The following CNOT10 variants were observed in gnomAD, a reference collection of about 807,000 sequenced individuals.
The protein encoded by CNOT10 is CCR4-NOT transcription complex, subunit 10.
Under a neutral mutation model 94.6 loss-of-function variants are expected in CNOT10, and 30 were observed. That is an observed-to-expected ratio of 0.32 (90% CI 0.24 to 0.43). The LOEUF (loss-of-function observed/expected upper bound fraction) is 0.43. Among genes scored for constraint, CNOT10 ranks in the 20% least tolerant of loss-of-function variants. The probability of loss-of-function intolerance (pLI) is 1.00; values close to 1 mark genes in which losing one functional copy is unlikely to be tolerated. For synonymous variants in CNOT10, 289 were observed against 301.6 expected, an observed-to-expected ratio of 0.96 and a Z score of 0.43; for missense variants, 759 against 877.2, an observed-to-expected ratio of 0.87 and a Z score of 1.70.
intron 1 of CNOT10, among the ~76,000 whole-genome samples, chr3:32,693,167 T>A (rs1696918778): frequency 6.6e-6 from 1 of 152,232 alleles, no homozygotes; most frequent in African/African-American, 2.4e-5. Flanking sequence ...AAGGAGTTGA[T>A]GTGGTAGTGA....
Position 32,737,472 on chromosome 3 carries a change from A to C in CNOT10, c.1577A>C (p.Gln526Pro). ...CCACCTTCTTCTCCATTGAGAAAAC[A>C]GGAATTAGAAAACTTAAAGTGAGTA... Reference protein sequence around the residue: ...PAPPSSPLRKQELENLKCSIL... With the variant: ...PAPPSSPLRKPELENLKCSIL... Residue 526 changes from glutamine (Q) to proline (P), a missense_variant, in exon 13 of 19, where the codon CAG (glutamine) becomes CCG (proline). Coordinates refer to ENST00000328834, the MANE Select transcript of CNOT10 (RefSeq NM_015442.3). The C allele has an allele frequency of 6.2e-7, 1 of 1,608,694 alleles. No individual in the cohort carries two copies. The highest frequency in any genetic ancestry group is 8.5e-7 in the Non-Finnish European group (1 of 1,175,548).
At chr3:32,767,175 C>T (rs1424765265) in intron 17 of CNOT10, among the ~76,000 whole-genome samples, 2 of 152,212 alleles carry the variant, frequency 1.3e-5, no homozygotes, top group Admixed American at 6.5e-5. Context: ...CACATCCCCA[C>T]ATGCTTGCCA....
intron 4 of CNOT10, among the ~76,000 whole-genome samples, chr3:32,711,804 G>A (rs1462454117): frequency 6.6e-6 from 1 of 152,156 alleles, no homozygotes; most frequent in African/African-American, 2.4e-5. Flanking sequence ...AGGATAATAG[G>A]AAATAAAGTC....
intron 17 of CNOT10, 195 bp downstream of exon 17, chr3:32,765,004 A>G: frequency 6.6e-7 from 1 of 1,511,218 alleles, no homozygotes; most frequent in Non-Finnish European, 8.8e-7. Flanking sequence ...CTTAAAGGAA[A>G]GTTCTTCTTG....
intron 5 of CNOT10, among the ~76,000 whole-genome samples, chr3:32,714,325 T>C (rs556273564): frequency 4.9e-4 from 74 of 152,016 alleles, no homozygotes; most frequent in African/African-American, 1.7e-3. Flanking sequence ...AATTGAAAGA[T>C]TGGAATTAAG....
At position 32,704,798 on chromosome 3, in the gene CNOT10, T is replaced by G. The variant is rs756718785; in HGVS notation, c.118-13T>G. 2 of 1,485,868 alleles carry G rather than the reference T, an allele frequency of 1.3e-6. No homozygotes were observed. The highest frequency in any genetic ancestry group is 1.8e-6 in the Non-Finnish European group (2 of 1,106,710). The allele number at this position is 1,485,868 out of a possible 1,614,324, so 92.0% of individuals were successfully genotyped here. The stretch of plus-strand genomic sequence containing the variant: ...GTAATTTTGTGTGTGTGTGTGTGGT[T>G]TTTTTTTTTTAGTCTGGAAATTATG... On this transcript the variant is annotated splice_polypyrimidine_tract_variant and intron_variant, in intron 2 of 18. Coordinates refer to ENST00000328834, the MANE Select transcript of CNOT10 (RefSeq NM_015442.3).
intron 15 of CNOT10, 57 bp from the exon 16 acceptor site, chr3:32,764,398 A>T: frequency 6.4e-7 from 1 of 1,570,526 alleles, no homozygotes; most frequent in Non-Finnish European, 8.7e-7. Context: ...CGAGGAGAAA[A>T]GAAAGAAAAT....
At chr3:32,723,309 A>G (rs1050974704) in intron 8 of CNOT10, among the ~76,000 whole-genome samples, 2 of 151,732 alleles carry the variant, frequency 1.3e-5, no homozygotes, top group Admixed American at 6.6e-5. Flanking sequence ...GGAGAATGGC[A>G]TGAACCCGGG....
At chr3:32,741,738 C>A (rs1269249514) in intron 13 of CNOT10, among the ~76,000 whole-genome samples, 1 of 146,672 alleles carries the variant, frequency 6.8e-6, no homozygotes, top group Non-Finnish European at 1.5e-5. Flanking sequence ...CACTGCCCCC[C>A]AGCCTGGGCG....
chr3:32,753,750 G>A, intron 13 of CNOT10: 2 of 1,601,208 alleles, frequency 1.2e-6, no homozygotes, highest in South Asian at 2.2e-5. Context: ...TATTTCAGCA[G>A]ATCTATTCAG....
intron 1 of CNOT10, among the ~76,000 whole-genome samples, chr3:32,687,429 A>T (rs1342790645): frequency 1.3e-5 from 1 of 76,346 alleles, no homozygotes; most frequent in South Asian, 4.6e-4. Context: ...TCTCCTTTTA[A>T]GTCCTCACGG....
chr3:32,701,577 G>A (rs1697349825), intron 1 of CNOT10, among the ~76,000 whole-genome samples: 1 of 152,110 alleles, frequency 6.6e-6, no homozygotes, highest in African/African-American at 2.4e-5. Flanking sequence ...GATAGTGAGT[G>A]AGTTCTCACT....
chr3:32,687,468 T>TTTTTTTTTTTTTTTTTTTTG (rs1696673081), intron 1 of CNOT10, among the ~76,000 whole-genome samples: 1 of 131,654 alleles, frequency 7.6e-6, no homozygotes, highest in Admixed American at 7.9e-5. Flanking sequence ...TTTTTTTTTT[T>TTTTTTTTTTTTTTTTTTTTG]TGAGACGGAG....
intron 9 of CNOT10, among the ~76,000 whole-genome samples, chr3:32,727,240 A>G (rs1028143066): frequency 3.9e-5 from 6 of 152,110 alleles, no homozygotes; most frequent in Non-Finnish European, 5.9e-5. Flanking sequence ...GGGGAGGCCA[A>G]GGTGGATCAC....
At chr3:32,769,654 C>T (rs1195448172) in intron 17 of CNOT10, 5 of 465,992 alleles carry the variant, frequency 1.1e-5, no homozygotes, top group Non-Finnish European at 2.0e-5. Flanking sequence ...ACTGTAGTAT[C>T]GGGGTGTCCA....
At position 32,736,793 on chromosome 3, in the gene CNOT10, G is replaced by A. The variant is rs1699207567; in HGVS notation, c.1515-617G>A. 2.6e-5 allele frequency among the ~76,000 whole-genome samples: 4 copies of A among 152,154 alleles called. No homozygotes were observed. In the South Asian group the frequency reaches 8.3e-4, roughly 32 times the overall value. On this transcript the variant is annotated intron_variant, in intron 12 of 18. Transcript: ENST00000328834. Reference sequence around the variant, plus strand: ...AACCCAGTCTCAAGAAAAGGCAGGGGTTGAGGGGTCAGGGTAATTAGAATA... The same window carrying A: ...AACCCAGTCTCAAGAAAAGGCAGGGATTGAGGGGTCAGGGTAATTAGAATA...
intron 8 of CNOT10, 43 bp from the exon 9 acceptor site, chr3:32,725,407 A>G (rs925665898): frequency 1.3e-6 from 2 of 1,551,602 alleles, no homozygotes; most frequent in African/African-American, 1.4e-5. Context: ...GGACATCAAC[A>G]TTAAAATTTT....
chr3:32,699,362 C>T (rs1192779635), intron 1 of CNOT10, among the ~76,000 whole-genome samples: 1 of 152,138 alleles, frequency 6.6e-6, no homozygotes, highest in African/African-American at 2.4e-5. Context: ...CCATTGTATT[C>T]CTATACCATG....
intron 4 of CNOT10, among the ~76,000 whole-genome samples, chr3:32,709,856 A>G (rs914429710): frequency 3.9e-5 from 6 of 152,194 alleles, no homozygotes; most frequent in African/African-American, 1.4e-4. Flanking sequence ...AGCTATTAAA[A>G]TATAAATATG....
Sources: gnomAD v4.1 joint callset for allele counts (sites outside exome capture counted in the v4.1 genomes callset) on GRCh38, gnomAD v4.1.1 for gene constraint, MANE v1.5 for transcripts, NCBI Gene and HGNC (gene_info 2026-07-23, HGNC 2026-07-21) for gene names.